The following IQSEC1 variants were observed in gnomAD, a reference collection of about 807,000 sequenced individuals.
IQSEC1 encodes IQ motif and Sec7 domain ArfGEF 1.
In IQSEC1, 31 loss-of-function variants were observed where a neutral mutation model predicts 91.0. That is an observed-to-expected ratio of 0.34 (90% confidence interval 0.26 to 0.46). IQSEC1 has a LOEUF of 0.46. Ranked by LOEUF, IQSEC1 falls within the 20% of genes least tolerant of loss-of-function variation. The pLI is 1.00. For missense variants in IQSEC1, 1,388 were observed against 1,575.6 expected (o/e 0.88, Z 2.02); for synonymous variants, 699 against 662.6 (o/e 1.05, Z -0.84).
chr3:13,117,455 G>A (rs564845401), intron 2 of IQSEC1, among the ~76,000 whole-genome samples: 15 of 150,496 alleles, frequency 1.0e-4, no homozygotes, highest in South Asian at 2.1e-4. Flanking sequence ...GCGTGGTGGC[G>A]TGCTACCAGG....
At chr3:13,232,721 T>C (rs1429308939) in intron 1 of IQSEC1, among the ~76,000 whole-genome samples, 1 of 152,176 alleles carries the variant, frequency 6.6e-6, no homozygotes, top group African/African-American at 2.4e-5. Flanking sequence ...TATTATTAGG[T>C]AATAAATAAA....
chr3:13,245,962 C>T (rs571845270), intron 1 of IQSEC1, among the ~76,000 whole-genome samples: 19 of 152,204 alleles, frequency 1.2e-4, no homozygotes, highest in African/African-American at 4.6e-4. Flanking sequence ...CCTGAACTTC[C>T]AGCTGAAGTT....
chr3:12,929,622 G>A (rs1172743489), intron 3 of IQSEC1, among the ~76,000 whole-genome samples: 3 of 152,180 alleles, frequency 2.0e-5, no homozygotes, highest in East Asian at 3.8e-4. Flanking sequence ...TGCCCTTCCT[G>A]CTGCTGAAAA....
chr3:12,940,246 T>C lies in IQSEC1; in HGVS notation c.318+1325A>G, dbSNP rs964209260. 1.3e-5 allele frequency among the ~76,000 whole-genome samples: 2 copies of C among 151,898 alleles called. No homozygotes were observed. The highest frequency in any genetic ancestry group is 1.9e-4 in the East Asian group (1 of 5,144). ...GACAGCCAGGTGAGGAAGGGGCTGA[T>C]GGGGGCTTCCCTGTCAAGAGAGTGG... is the stretch of plus-strand genomic sequence containing the variant. On this transcript the variant is annotated intron_variant, in intron 2 of 13. Transcript: ENST00000613206. The surrounding 1 kb of genome is among the most constrained non-coding windows in gnomAD (Gnocchi z 4.4).
chr3:13,195,507 C>T (rs961528846), intron 1 of IQSEC1, among the ~76,000 whole-genome samples: 2 of 152,150 alleles, frequency 1.3e-5, no homozygotes, highest in Non-Finnish European at 1.5e-5. Flanking sequence ...CAAACTGTGG[C>T]GAATCCAATT....
intron 1 of IQSEC1, among the ~76,000 whole-genome samples, chr3:13,040,109 C>T (rs981000165): frequency 2.6e-5 from 4 of 152,248 alleles, no homozygotes; most frequent in African/African-American, 9.6e-5. Flanking sequence ...CTGACACACA[C>T]CTAGGCTTCA....
chr3:12,902,698 G>GAAAAAAAAAAAA, intron 13 of IQSEC1, 75 bp downstream of exon 13: 1 of 458,832 alleles, frequency 2.2e-6, no homozygotes, highest in Non-Finnish European at 3.9e-6. Context: ...AAAAAAACCA[G>GAAAAAAAAAAAA]GACAACAGAT....
At chr3:13,003,209 G>A (rs531810424) in intron 1 of IQSEC1, among the ~76,000 whole-genome samples, 9 of 146,320 alleles carry the variant, frequency 6.2e-5, no homozygotes, top group East Asian at 4.4e-4. Flanking sequence ...AGGCTGAGGC[G>A]GGAGTGTCAC....
In IQSEC1 at chr3:12,922,054, CG is replaced by C. The variant is rs1296391695; in HGVS notation, c.1853+65del. The C allele has an allele frequency of 1.3e-6, 2 of 1,497,646 alleles. No homozygotes were observed. The highest frequency in any genetic ancestry group is 4.9e-5 in the East Asian group (2 of 40,752). 92.8% of individuals were successfully genotyped at this position (1,497,646 alleles called of 1,614,324 possible). Reference sequence around the variant, plus strand: ...GGGGATGCAGTCTTTGGTCCATCCTCGGGCCCTGAAGCTGGGGGACACCATT... The same window carrying C: ...GGGGATGCAGTCTTTGGTCCATCCTCGGCCCTGAAGCTGGGGGACACCATT... On this transcript the variant is annotated intron_variant, in intron 5 of 13. Transcript: ENST00000613206. This position sits in a 1 kb window ranked among gnomAD's most constrained non-coding sequence, Gnocchi z 5.1.
intron 1 of IQSEC1, among the ~76,000 whole-genome samples, chr3:13,180,034 C>A (rs1693810189): frequency 6.6e-6 from 1 of 152,196 alleles, no homozygotes; most frequent in South Asian, 2.1e-4. Context: ...CTGAGCCTCC[C>A]CGACGAGCAC....
At chr3:13,068,631 C>G (rs563760171) in intron 1 of IQSEC1, among the ~76,000 whole-genome samples, 1 of 152,284 alleles carries the variant, frequency 6.6e-6, no homozygotes, top group South Asian at 2.1e-4. Context: ...GCCCCTTTAC[C>G]TCTCTTCTTG....
chr3:12,910,945 A>C (rs1695500040), intron 10 of IQSEC1, among the ~76,000 whole-genome samples: 1 of 152,158 alleles, frequency 6.6e-6, no homozygotes, highest in South Asian at 2.1e-4. Flanking sequence ...GGGAAGGGAC[A>C]AAGGAGGGGG....
intron 1 of IQSEC1, among the ~76,000 whole-genome samples, chr3:13,172,106 G>A (rs11923941): frequency 0.035 from 5,402 of 152,278 alleles, 316 homozygotes; most frequent in African/African-American, 0.12. Context: ...TGCAGAAGCC[G>A]TGTCTACGGG....
intron 1 of IQSEC1, among the ~76,000 whole-genome samples, chr3:13,201,782 T>A (rs891014006): frequency 2.6e-5 from 4 of 152,248 alleles, no homozygotes; most frequent in Non-Finnish European, 5.9e-5. Flanking sequence ...AACAGCATTT[T>A]CATTTCCAGG....
intron 1 of IQSEC1, among the ~76,000 whole-genome samples, chr3:13,009,430 G>A (rs866218344): frequency 2.6e-5 from 4 of 152,204 alleles, no homozygotes; most frequent in South Asian, 2.1e-4. Flanking sequence ...GAAAAGGGAA[G>A]CGCAGAGTGG....
In IQSEC1 at chr3:12,901,000, T is replaced by A; in HGVS notation, c.3328A>T (p.Ile1110Phe). The part of the protein sequence containing the change: ...PTSSKAKPSG[I>F]STIV ...CAGGCTGTCTACACAATTGTGCTGA[T>A]GCCGCTGGGTTTGGCCTTGCTGCTG... Residue 1110 changes from isoleucine (I) to phenylalanine (F), a missense_variant, in exon 14 of 14, where the codon ATC becomes TTC. This residue lies in a region of IQSEC1 where 329 missense variants were observed against 257.8 expected (regional missense o/e 1.28). Coordinates refer to ENST00000613206, the MANE Select transcript of IQSEC1 (RefSeq NM_001134382.3). The A allele has an allele frequency of 6.5e-7, 1 of 1,530,484 alleles. No individual in the cohort carries two copies. Among genetic ancestry groups the A allele is most frequent in the Non-Finnish European group, 8.8e-7 (1 of 1,138,938 alleles). 94.8% of individuals were successfully genotyped at this position (1,530,484 alleles called of 1,614,324 possible).
chr3:13,222,315 C>T (rs1694676961), intron 1 of IQSEC1, among the ~76,000 whole-genome samples: 1 of 152,210 alleles, frequency 6.6e-6, no homozygotes, highest in African/African-American at 2.4e-5. Context: ...ACAGAACGCC[C>T]TTCCTTTTTA....
At chr3:12,974,873 T>C (rs1701085545) in intron 1 of IQSEC1, among the ~76,000 whole-genome samples, 1 of 152,242 alleles carries the variant, frequency 6.6e-6, no homozygotes, top group South Asian at 2.1e-4. Flanking sequence ...GGGGCACAGC[T>C]CCTGGAACAG....
chr3:13,052,773 T>A (rs1704736946), intron 1 of IQSEC1, among the ~76,000 whole-genome samples: 3 of 152,058 alleles, frequency 2.0e-5, no homozygotes, highest in Non-Finnish European at 2.9e-5. Flanking sequence ...TTTTTTTTTT[T>A]AAATGAAAGG....
Sources: allele counts gnomAD v4.1 joint callset (sites outside exome capture counted in the v4.1 genomes callset), GRCh38; gene constraint gnomAD v4.1.1; regional missense constraint gnomAD v4.1.1; non-coding constraint Gnocchi (gnomAD v3.1); transcripts MANE v1.5; gene names NCBI Gene and HGNC (gene_info 2026-07-23, HGNC 2026-07-21).